Variants in MAPK10 observed in about 807,000 individuals in gnomAD.
MAPK10 encodes JNK3 alpha protein kinase.
MAPK10 carries 25 observed loss-of-function variants against 59.3 expected under a neutral mutation model. The ratio of observed to expected loss-of-function variants is 0.42; its 90% CI spans 0.31 to 0.59. The LOEUF (loss-of-function observed/expected upper bound fraction) is 0.59, where lower values mean the gene tolerates loss of function less well. Ranked by LOEUF, MAPK10 falls within the 20% of genes least tolerant of loss-of-function variation. MAPK10 has a pLI of 0.15. For missense variants in MAPK10, 351 were observed against 568.9 expected (o/e 0.62, Z 3.90); for synonymous variants, 190 against 200.5 (o/e 0.95, Z 0.44).
intron 1 of MAPK10, among the ~76,000 whole-genome samples, chr4:86,592,890 G>A (rs1024315255): frequency 3.3e-5 from 5 of 152,188 alleles, no homozygotes; most frequent in South Asian, 2.1e-4. Flanking sequence ...AAGTTTGGCT[G>A]CACATTTTAG....
At chr4:86,347,185 T>C (rs567252776) in intron 2 of MAPK10, among the ~76,000 whole-genome samples, 3 of 152,282 alleles carry the variant, frequency 2.0e-5, no homozygotes, top group Admixed American at 2.0e-4. Context: ...TCACATAAAA[T>C]GAATGCTGTT....
chr4:86,250,918 A>G (rs1488265236), intron 2 of MAPK10, among the ~76,000 whole-genome samples: 1 of 152,152 alleles, frequency 6.6e-6, no homozygotes, highest in African/African-American at 2.4e-5. Context: ...TTGAAATCAT[A>G]GCTGGGATGA....
At chr4:86,423,692 A>G (rs1469335887) in intron 1 of MAPK10, among the ~76,000 whole-genome samples, 2 of 149,562 alleles carry the variant, frequency 1.3e-5, no homozygotes, top group African/African-American at 4.9e-5. Flanking sequence ...GACTTCACCT[A>G]TTGTGTGTTA....
chr4:86,026,166 A>G (rs892027468), intron 13 of MAPK10, among the ~76,000 whole-genome samples: 1 of 152,302 alleles, frequency 6.6e-6, no homozygotes, highest in African/African-American at 2.4e-5. Context: ...GTTGTTCAGC[A>G]TCCTTATCTT....
intron 2 of MAPK10, among the ~76,000 whole-genome samples, chr4:86,245,770 A>T (rs2093045920): frequency 6.6e-6 from 1 of 152,226 alleles, no homozygotes; most frequent in Non-Finnish European, 1.5e-5. Context: ...CTCTAAAACC[A>T]GTTCTGCCAC....
chr4:86,588,876 C>T (rs1047583822), intron 1 of MAPK10, among the ~76,000 whole-genome samples: 3 of 152,142 alleles, frequency 2.0e-5, no homozygotes, highest in Admixed American at 1.3e-4. Context: ...ATACCTCCTT[C>T]TAGTATGTTA....
At chr4:86,579,692 G>T (rs1762132851) in intron 1 of MAPK10, among the ~76,000 whole-genome samples, 1 of 152,072 alleles carries the variant, frequency 6.6e-6, no homozygotes, top group African/African-American at 2.4e-5. Flanking sequence ...TAATTCCAGA[G>T]ATTATATTTC....
intron 2 of MAPK10, among the ~76,000 whole-genome samples, chr4:86,238,189 T>C (rs943395860): frequency 3.1e-4 from 47 of 152,208 alleles, no homozygotes; most frequent in African/African-American, 1.0e-3. Flanking sequence ...GTCTCTGTTC[T>C]GCTCTATTGG....
chr4:86,022,788 C>T (rs556125461), intron 13 of MAPK10, among the ~76,000 whole-genome samples: 1 of 152,194 alleles, frequency 6.6e-6, no homozygotes, highest in Non-Finnish European at 1.5e-5. Flanking sequence ...GGTCTACAGG[C>T]ATGAGCCACT....
chr4:86,437,682 A>G (rs1208752111), intron 1 of MAPK10, among the ~76,000 whole-genome samples: 2 of 152,196 alleles, frequency 1.3e-5, no homozygotes, highest in Admixed American at 6.5e-5. Flanking sequence ...AGTTGTTATC[A>G]TATCTTTTTA....
intron 13 of MAPK10, among the ~76,000 whole-genome samples, chr4:86,018,154 A>T (rs1055124605): frequency 2.6e-5 from 4 of 152,212 alleles, no homozygotes; most frequent in Non-Finnish European, 5.9e-5. Flanking sequence ...TAATGCAGGG[A>T]GCTTTTAAAA....
At chr4:86,224,434 G>T (rs1663754001) in intron 2 of MAPK10, among the ~76,000 whole-genome samples, 1 of 152,140 alleles carries the variant, frequency 6.6e-6, no homozygotes. Context: ...AGTGCACTAG[G>T]TAAAAAAGGA....
chr4:86,348,454 T>A (rs967195837), intron 2 of MAPK10, among the ~76,000 whole-genome samples: 5 of 152,152 alleles, frequency 3.3e-5, no homozygotes, highest in African/African-American at 1.2e-4. Context: ...AGTTCTTTAT[T>A]ATAACCCCCA....
At chr4:86,541,167 T>C (rs1326887869) in intron 1 of MAPK10, among the ~76,000 whole-genome samples, 1 of 151,774 alleles carries the variant, frequency 6.6e-6, no homozygotes, top group African/African-American at 2.4e-5. Flanking sequence ...CTGGGAACAA[T>C]GCGACAGCTG....
chr4:86,134,747 G>C (rs906069050), intron 4 of MAPK10, among the ~76,000 whole-genome samples: 2 of 152,242 alleles, frequency 1.3e-5, no homozygotes, highest in Admixed American at 6.5e-5. Flanking sequence ...AGAAGACAGT[G>C]ATTTCTGCAT....
intron 1 of MAPK10, among the ~76,000 whole-genome samples, chr4:86,513,930 G>A (rs1488247104): frequency 2.0e-5 from 3 of 152,074 alleles, no homozygotes; most frequent in Non-Finnish European, 4.4e-5. Flanking sequence ...GGCTAAAAAT[G>A]TTCTGATACT....
Position 86,297,096 on chromosome 4 carries a change from T to C in MAPK10, c.-7+57434A>G, listed in dbSNP as rs143457507. Among the ~76,000 whole-genome samples, 1,047 of 152,286 alleles carry C rather than the reference T, an allele frequency of 6.9e-3. 15 individuals carry two copies. Among genetic ancestry groups the C allele is most frequent in the African/African-American group, 0.024 (987 of 41,554 alleles). On this transcript the variant is annotated intron_variant, in intron 2 of 13. Coordinates refer to ENST00000641462, the MANE Select transcript of MAPK10 (RefSeq NM_138982.4). ...CTAACAAATTCCTCGGTGAGGCTAG[T>C]ACTGCTGGTCAGGACCACCCTCTAA...
At position 86,396,659 on chromosome 4, in the gene MAPK10, C is replaced by T. The variant is rs576047825; in HGVS notation, c.-121-42015G>A. On this transcript the variant is annotated intron_variant, in intron 1 of 13. Coordinates refer to the MAPK10 transcript ENST00000361569. ...AGAAACATGGCGCCAGCATCTGCTCCGCTTCTGGGAAGGAGCTTTTATTCA... is the reference window on the plus strand; with the variant it reads ...AGAAACATGGCGCCAGCATCTGCTCTGCTTCTGGGAAGGAGCTTTTATTCA... Among the ~76,000 whole-genome samples, 21 of 152,288 alleles carry T rather than the reference C, an allele frequency of 1.4e-4. No homozygotes were observed. In the South Asian group the frequency reaches 4.1e-3, roughly 30 times the overall value.
intron 2 of MAPK10, among the ~76,000 whole-genome samples, chr4:86,342,625 G>C (rs1467389612): frequency 6.6e-6 from 1 of 152,176 alleles, no homozygotes; most frequent in East Asian, 1.9e-4. Context: ...AGAAACCAAA[G>C]CTAAAGGACC....
Sources: allele counts gnomAD v4.1 joint callset (sites outside exome capture counted in the v4.1 genomes callset), GRCh38; gene constraint gnomAD v4.1.1; transcripts MANE v1.5; gene names NCBI Gene and HGNC (gene_info 2026-07-23, HGNC 2026-07-21).